SH3RF3: variants seen among roughly 807,000 people sequenced by gnomAD.
The protein encoded by SH3RF3 is E3 ubiquitin-protein ligase SH3RF3.
Under a neutral mutation model 66.3 loss-of-function variants are expected in SH3RF3, and 29 were observed. The ratio of observed to expected loss-of-function variants is 0.44; its 90% CI spans 0.33 to 0.60. The LOEUF is 0.60. Among genes scored for constraint, SH3RF3 ranks in the 20% least tolerant of loss-of-function variants. The pLI, the probability that SH3RF3 is intolerant of heterozygous loss-of-function variation, is 0.04. For synonymous variants in SH3RF3, 583 were observed against 532.0 expected (o/e 1.10, Z -1.32); for missense variants, 1,194 against 1,190.9 (o/e 1.00, Z -0.04).
chr2:109,488,102 G>C (rs1309789255), intron 8 of SH3RF3, among the ~76,000 whole-genome samples: 1 of 152,210 alleles, frequency 6.6e-6, no homozygotes, highest in African/African-American at 2.4e-5. Flanking sequence ...CAGCCCCAGA[G>C]CCTGCAGAGT....
chr2:109,276,997 T>A (rs1338731117), intron 1 of SH3RF3, among the ~76,000 whole-genome samples: 2 of 151,862 alleles, frequency 1.3e-5, no homozygotes, highest in Admixed American at 1.3e-4. Flanking sequence ...AGTGGGCAAA[T>A]GGACAGAATC....
intron 8 of SH3RF3, among the ~76,000 whole-genome samples, chr2:109,468,277 A>G (rs1244556067): frequency 6.6e-6 from 1 of 152,200 alleles, no homozygotes; most frequent in Non-Finnish European, 1.5e-5. Context: ...ACCATAGGCA[A>G]CTGTAACACA....
intron 1 of SH3RF3, among the ~76,000 whole-genome samples, chr2:109,302,990 C>T (rs1363354319): frequency 6.6e-6 from 1 of 152,154 alleles, no homozygotes; most frequent in South Asian, 2.1e-4. Context: ...GATTCTCCTG[C>T]CTCAGCCTCC....
At chr2:109,460,174 G>A (rs1001146267) in intron 8 of SH3RF3, among the ~76,000 whole-genome samples, 2 of 152,252 alleles carry the variant, frequency 1.3e-5, no homozygotes, top group African/African-American at 2.4e-5. Context: ...GTGGAATACC[G>A]TGATGGTGGT....
chr2:109,356,478 G>A (rs753284846), intron 2 of SH3RF3, among the ~76,000 whole-genome samples: 18 of 152,170 alleles, frequency 1.2e-4, no homozygotes, highest in Non-Finnish European at 2.2e-4. Context: ...GGTTTTAGAT[G>A]CCACATATGG....
intron 2 of SH3RF3, among the ~76,000 whole-genome samples, chr2:109,359,759 G>C (rs1397711039): frequency 6.6e-6 from 1 of 152,076 alleles, no homozygotes; most frequent in Non-Finnish European, 1.5e-5. Context: ...ACAACACACA[G>C]TTTCTTCAGC....
chr2:109,349,880 T>C (rs962641534), intron 2 of SH3RF3, among the ~76,000 whole-genome samples: 1 of 152,252 alleles, frequency 6.6e-6, no homozygotes, highest in Non-Finnish European at 1.5e-5. Flanking sequence ...TAGAGCCCAC[T>C]GGACAAGAGG....
At chr2:109,353,339 G>A (rs542378454) in intron 2 of SH3RF3, among the ~76,000 whole-genome samples, 7 of 152,292 alleles carry the variant, frequency 4.6e-5, no homozygotes, top group South Asian at 4.1e-4. Context: ...CTCGACCCTC[G>A]TCCTCAGCAA....
At chr2:109,159,475 T>G (rs1457839128) in intron 1 of SH3RF3, among the ~76,000 whole-genome samples, 2 of 152,236 alleles carry the variant, frequency 1.3e-5, no homozygotes, top group Non-Finnish European at 2.9e-5. Flanking sequence ...AAGAATTGGC[T>G]TGTTTTACAA....
chr2:109,137,339 A>G (rs1676837145), intron 1 of SH3RF3, among the ~76,000 whole-genome samples: 1 of 152,200 alleles, frequency 6.6e-6, no homozygotes, highest in Non-Finnish European at 1.5e-5. Context: ...ATGATGAGGC[A>G]GGTCCATCCC....
At chr2:109,376,108 G>A (rs1683375712) in intron 3 of SH3RF3, among the ~76,000 whole-genome samples, 1 of 152,238 alleles carries the variant, frequency 6.6e-6, no homozygotes, top group African/African-American at 2.4e-5. Flanking sequence ...TGGTGGTGGT[G>A]GTGTAAATGT....
chr2:109,464,599 T>TA (rs1369421806), intron 8 of SH3RF3, among the ~76,000 whole-genome samples: 1 of 152,248 alleles, frequency 6.6e-6, no homozygotes, highest in Non-Finnish European at 1.5e-5. Context: ...TTTCCTCTTC[T>TA]AAAAATAGCC....
rs1275369198 is a variant in SH3RF3, at chr2:109,471,820, G to A, written c.2149-18785G>A. On this transcript the variant is annotated intron_variant, in intron 8 of 9. Coordinates refer to ENST00000309415, the MANE Select transcript of SH3RF3 (RefSeq NM_001099289.3). ...TAGCTTGTCCTGCCTTTTTGCATGG[G>A]GCACGTCTTGTTAAACTTTTTCCAC... Among the ~76,000 whole-genome samples the A allele has an allele frequency of 2.6e-5, 4 of 152,180 alleles. No homozygotes were observed. In the South Asian group the frequency reaches 8.3e-4, roughly 32 times the overall value.
chr2:109,342,429 C>G (rs1399178467), intron 1 of SH3RF3, among the ~76,000 whole-genome samples: 1 of 152,214 alleles, frequency 6.6e-6, no homozygotes, highest in African/African-American at 2.4e-5. Flanking sequence ...GTGAGCAAAA[C>G]AGGCGAGAAT....
At chr2:109,174,972 T>G (rs1677883317) in intron 1 of SH3RF3, among the ~76,000 whole-genome samples, 1 of 152,084 alleles carries the variant, frequency 6.6e-6, no homozygotes, top group African/African-American at 2.4e-5. Context: ...ATTTAAAGAG[T>G]GATTTATACC....
At chr2:109,326,921 C>T (rs1011102808) in intron 1 of SH3RF3, among the ~76,000 whole-genome samples, 2 of 152,230 alleles carry the variant, frequency 1.3e-5, no homozygotes, top group South Asian at 2.1e-4. Context: ...CTGGCTCTAC[C>T]ATTCGGTTCC....
intron 5 of SH3RF3, among the ~76,000 whole-genome samples, chr2:109,422,332 G>T (rs951850429): frequency 6.6e-6 from 1 of 152,294 alleles, no homozygotes; most frequent in Non-Finnish European, 1.5e-5. Flanking sequence ...TGATCTTCAT[G>T]ATTGCATAGC....
At chr2:109,404,924 A>T (rs1022985686) in intron 4 of SH3RF3, among the ~76,000 whole-genome samples, 2 of 151,794 alleles carry the variant, frequency 1.3e-5, no homozygotes, top group Non-Finnish European at 2.9e-5. Flanking sequence ...GTCCCCTTTG[A>T]TCTGTGCCTC....
intron 2 of SH3RF3, among the ~76,000 whole-genome samples, chr2:109,368,565 T>A (rs1450666663): frequency 6.6e-6 from 1 of 152,082 alleles, no homozygotes; most frequent in East Asian, 1.9e-4. Flanking sequence ...TATTCTAATA[T>A]TCACTTGCTT....
Sources: gnomAD v4.1 joint callset for allele counts (sites outside exome capture counted in the v4.1 genomes callset) on GRCh38, gnomAD v4.1.1 for gene constraint, MANE v1.5 for transcripts, NCBI Gene and HGNC (gene_info 2026-07-23, HGNC 2026-07-21) for gene names.